The following WDR93 variants were observed in gnomAD, a reference collection of about 807,000 sequenced individuals.
WDR93 encodes the protein WD repeat domain 93.
WDR93 carries 73 observed loss-of-function variants against 82.9 expected under a neutral mutation model. That is an observed-to-expected ratio of 0.88 (90% CI 0.73 to 1.07). WDR93 has a LOEUF of 1.07. WDR93 is among the 50% of genes least tolerant of loss of function. The probability of loss-of-function intolerance (pLI) is 0.00; values close to 1 mark genes in which losing one functional copy is unlikely to be tolerated. For synonymous variants in WDR93, 283 were observed against 300.1 expected (o/e 0.94, Z 0.59); for missense variants, 738 against 826.0 (o/e 0.89, Z 1.31).
rs530738695 is a variant in WDR93, at chr15:89,716,854, G to A, written c.757-57G>A. The stretch of plus-strand genomic sequence containing the variant: ...GAGAGAGCATGCCAGAAGATTAAAG[G>A]GGGTGGTAAACATACATCAAACCTA... On this transcript the variant is annotated intron_variant, in intron 6 of 16. Coordinates refer to ENST00000268130, the MANE Select transcript of WDR93 (RefSeq NM_020212.2). The A allele has an allele frequency of 9.2e-6, 11 of 1,195,388 alleles. No individual in the cohort carries two copies. The African/African-American group carries it at 1.3e-4, about 14-fold the overall frequency. The allele number at this position is 1,195,388 out of a possible 1,614,324, so 74.0% of individuals were successfully genotyped here.
chr15:89,738,626 CAAAAA>C (rs34617270), intron 16 of WDR93, among the ~76,000 whole-genome samples: 3 of 81,454 alleles, frequency 3.7e-5, no homozygotes, highest in Non-Finnish European at 2.5e-5. Flanking sequence ...GACTCTGTCC[CAAAAA>C]AAAAAAAAAA....
At chr15:89,722,030 T>C (rs768486056) in intron 7 of WDR93, 25 bp from the exon 8 acceptor site, 1 of 1,464,478 alleles carries the variant, frequency 6.8e-7, no homozygotes, top group South Asian at 1.2e-5. Context: ...CTTGGCTTAT[T>C]AACTATGCCT....
chr15:89,739,400 T>G (rs1350602971), intron 16 of WDR93, among the ~76,000 whole-genome samples: 1 of 152,204 alleles, frequency 6.6e-6, no homozygotes, highest in East Asian at 1.9e-4. Flanking sequence ...GACCCCTTTC[T>G]TTTACCCATC....
In WDR93 at chr15:89,737,730, G is replaced by A. The variant is rs1967319768; in HGVS notation, c.1765+1G>A. On this transcript the variant is annotated splice_donor_variant, in intron 15 of 16. Transcript: ENST00000268130. LOFTEE classifies it high-confidence loss of function. The stretch of plus-strand genomic sequence containing the variant: ...GACCATCCATGTTTCCTGCTCCGAG[G>A]TACAGAAAGGGACCAGGGCTGATGC... The A allele has an allele frequency of 1.2e-6, 2 of 1,614,138 alleles. No homozygotes were observed. The highest frequency in any genetic ancestry group is 2.2e-5 in the East Asian group (1 of 44,874).
At position 89,729,867 on chromosome 15, in the gene WDR93, G is replaced by A. The variant is rs1966844442; in HGVS notation, c.1210+98G>A. On this transcript the variant is annotated intron_variant, in intron 11 of 16. Coordinates refer to ENST00000268130, the MANE Select transcript of WDR93 (RefSeq NM_020212.2). ...AGCATGTGACTGACATACATCAAGT[G>A]TCACTTTAGGGACCAGATCTAGGCA... The A allele has an allele frequency of 3.9e-6, 4 of 1,014,380 alleles. No homozygotes were observed. In the Admixed American group the frequency reaches 6.3e-5, roughly 16 times the overall value. 62.8% of individuals were successfully genotyped at this position (1,014,380 alleles called of 1,614,324 possible). A position where few individuals can be genotyped will look rare whatever the true frequency, so the allele number is the denominator to read the frequency against.
intron 16 of WDR93, among the ~76,000 whole-genome samples, chr15:89,739,836 A>G (rs1967514764): frequency 6.6e-6 from 1 of 150,406 alleles, no homozygotes; most frequent in African/African-American, 2.4e-5. Flanking sequence ...CTCTGTGTAG[A>G]CTCTTTACTC....
At chr15:89,698,579 CTTTGT>C (rs1032435069) in intron 1 of WDR93, among the ~76,000 whole-genome samples, 4 of 151,918 alleles carry the variant, frequency 2.6e-5, no homozygotes, top group African/African-American at 9.7e-5. Flanking sequence ...GGCTGGAACT[CTTTGT>C]TTTATTTCTT....
Position 89,701,739 on chromosome 15 carries a change from C to G in WDR93, c.-8C>G. ...GTTTCATAGAGGTTCCCAGTGCCAC[C>G]TTCTGTGATGTCATTCCCAAGAGGA... On this transcript the variant is annotated 5_prime_UTR_variant, in exon 2 of 17. Transcript: ENST00000268130. 1 of 1,604,502 alleles carries G rather than the reference C, an allele frequency of 6.2e-7. No homozygotes were observed.
rs113995043 is a variant in WDR93, at chr15:89,711,065, C to T, written c.562-961C>T. Among the ~76,000 whole-genome samples, 1,042 of 152,276 alleles carry T rather than the reference C, an allele frequency of 6.8e-3. 9 individuals carry two copies. The highest frequency in any genetic ancestry group is 0.023 in the African/African-American group (964 of 41,544). On this transcript the variant is annotated intron_variant, in intron 4 of 16. Transcript: ENST00000268130. ...TAAAGGAGTCAGGATGATAACTGTT[C>T]TCAACTGTCAACCTTAACATTACTA...
chr15:89,707,087 A>G (rs11632246), intron 4 of WDR93, among the ~76,000 whole-genome samples: 101,610 of 152,030 alleles, frequency 0.67, 35,434 homozygotes, highest in African/African-American at 0.82. Context: ...TCAAAACAAG[A>G]AAAGATGTAA....
In WDR93 at chr15:89,701,786, C is replaced by T; in HGVS notation, c.40C>T (p.His14Tyr). Residue 14 changes from histidine (H) to tyrosine (Y), a missense_variant, in exon 2 of 17, where the codon CAC becomes TAC. His to Tyr is a moderately conservative substitution (Grantham distance 83). Coordinates refer to ENST00000268130, the MANE Select transcript of WDR93 (RefSeq NM_020212.2). ...PRGSQTQKIK[H>Y]PIGTRKGPLE... is the part of the protein sequence containing the mutation. ...AGGAAGTCAGACCCAGAAAATAAAG[C>T]ACCCCATTGGTACACGAAAGGGACC... is the stretch of plus-strand genomic sequence containing the variant. 6.2e-7 allele frequency: 1 copy of T among 1,613,448 alleles called. No homozygotes were observed. The highest frequency in any genetic ancestry group is 8.5e-7 in the Non-Finnish European group (1 of 1,179,468).
intron 5 of WDR93, chr15:89,714,160 C>T (rs908224030): frequency 5.3e-5 from 8 of 152,268 alleles, no homozygotes; most frequent in Non-Finnish European, 1.0e-4. Context: ...ACACACTTCT[C>T]TCAGTTGCTG....
Position 89,705,517 on chromosome 15 carries a change from G to A in WDR93, c.497-37G>A. On this transcript the variant is annotated intron_variant, in intron 3 of 16. Coordinates refer to ENST00000268130, the MANE Select transcript of WDR93 (RefSeq NM_020212.2). ...TTTCCAGTTTCTCTTCAGCTCAATTGTCTGTCTTAACATTCTCACTTATTT... is the reference window on the plus strand; with the variant it reads ...TTTCCAGTTTCTCTTCAGCTCAATTATCTGTCTTAACATTCTCACTTATTT... 3 of 1,250,804 alleles carry A rather than the reference G, an allele frequency of 2.4e-6. No individual in the cohort carries two copies. The Middle Eastern group carries it at 5.6e-4, about 233-fold the overall frequency. 77.5% of individuals were successfully genotyped at this position (1,250,804 alleles called of 1,614,324 possible). A position where few individuals can be genotyped will look rare whatever the true frequency, so the allele number is the denominator to read the frequency against.
In WDR93 at chr15:89,709,931, C is replaced by T. The variant is rs190088371; in HGVS notation, c.562-2095C>T. On this transcript the variant is annotated intron_variant, in intron 4 of 16. Coordinates refer to ENST00000268130, the MANE Select transcript of WDR93 (RefSeq NM_020212.2). ...ATCCCAGTACTGTGGGAGGCTGAGG[C>T]GGGCGGATCACGAGGTCAGTAGAAC... Among the ~76,000 whole-genome samples the T allele has an allele frequency of 4.5e-3, 677 of 152,086 alleles. 13 individuals are homozygous for T. Among genetic ancestry groups the T allele is most frequent in the African/African-American group, 0.016 (652 of 41,496 alleles).
intron 1 of WDR93, among the ~76,000 whole-genome samples, chr15:89,693,537 C>T (rs2119605): frequency 0.64 from 97,510 of 152,038 alleles, 31,985 homozygotes; most frequent in Non-Finnish European, 0.71. Flanking sequence ...CCTATGCAAA[C>T]CTACCCCTAA....
At chr15:89,719,386 T>C (rs1360618288) in intron 7 of WDR93, among the ~76,000 whole-genome samples, 1 of 152,264 alleles carries the variant, frequency 6.6e-6, no homozygotes, top group Non-Finnish European at 1.5e-5. Context: ...ATTCAACTCC[T>C]TTAATAGATA....
intron 15 of WDR93, 139 bp downstream of exon 15, chr15:89,737,868 C>T (rs903605186): frequency 3.7e-6 from 5 of 1,367,570 alleles, no homozygotes; most frequent in Non-Finnish European, 5.0e-6. Context: ...CAGCTCAGTC[C>T]TCACAGGGCA....
Position 89,714,991 on chromosome 15 carries a change from A to T in WDR93, c.652A>T (p.Ile218Phe), listed in dbSNP as rs746365790. ...AAFLLQGAGD[I>F]WLDVYKLPKE... is the part of the protein sequence containing the mutation. ...GTTTCCCAATGCAGGAGCCGGAGATATTTGGCTGGATGTGTATAAATTGCC... is the reference window on the plus strand; with the variant it reads ...GTTTCCCAATGCAGGAGCCGGAGATTTTTGGCTGGATGTGTATAAATTGCC... Residue 218 changes from isoleucine (I) to phenylalanine (F), a missense_variant, in exon 6 of 17, where the codon ATT becomes TTT. Physicochemically the swap from Ile to Phe is conservative, Grantham distance 21. Coordinates refer to ENST00000268130, the MANE Select transcript of WDR93 (RefSeq NM_020212.2). 19 of 1,613,584 alleles carry T rather than the reference A, an allele frequency of 1.2e-5. No individual in the cohort carries two copies. The South Asian group carries it at 2.0e-4, about 17-fold the overall frequency.
chr15:89,733,936 A>ATC (rs902305846), intron 13 of WDR93, among the ~76,000 whole-genome samples: 5 of 150,260 alleles, frequency 3.3e-5, no homozygotes, highest in Non-Finnish European at 7.4e-5. Flanking sequence ...TTCTCCAGGG[A>ATC]TCTCTCTCTC....
Sources: gnomAD v4.1 joint callset for allele counts (sites outside exome capture counted in the v4.1 genomes callset) on GRCh38, gnomAD v4.1.1 for gene constraint, MANE v1.5 for transcripts, NCBI Gene and HGNC (gene_info 2026-07-23, HGNC 2026-07-21) for gene names.